Variants in GFRA1 observed in about 807,000 individuals in gnomAD.
GFRA1 encodes the protein GDNF family receptor alpha 1.
A neutral mutation model predicts 51.6 loss-of-function variants in GFRA1; 16 were observed. That is an observed-to-expected ratio of 0.31 (90% CI 0.21 to 0.47). GFRA1 has a LOEUF of 0.47. Among genes scored for constraint, GFRA1 ranks in the 20% least tolerant of loss-of-function variants. The probability of loss-of-function intolerance (pLI) is 1.00; values close to 1 mark genes in which losing one functional copy is unlikely to be tolerated. For synonymous variants in GFRA1, 270 were observed against 241.3 expected (o/e 1.12, Z -1.10); for missense variants, 530 against 594.3 (o/e 0.89, Z 1.13).
At chr10:116,092,280 G>A (rs1185826000) in intron 8 of GFRA1, among the ~76,000 whole-genome samples, 2 of 152,142 alleles carry the variant, frequency 1.3e-5, no homozygotes, top group Non-Finnish European at 2.9e-5. Context: ...TTATTTTTAA[G>A]AGGCCCAAAG....
intron 5 of GFRA1, among the ~76,000 whole-genome samples, chr10:116,158,103 G>A (rs1169464798): frequency 2.0e-5 from 3 of 152,136 alleles, no homozygotes; most frequent in Non-Finnish European, 4.4e-5. Flanking sequence ...AATAGTCCCT[G>A]AACTGTGTTG....
chr10:116,141,276 G>A (rs186207498), intron 5 of GFRA1, among the ~76,000 whole-genome samples: 2 of 152,146 alleles, frequency 1.3e-5, no homozygotes, highest in Non-Finnish European at 2.9e-5. Context: ...TGTGGGTCTC[G>A]GGTATGTTTC....
Position 116,060,603 on chromosome 10 carries a change from C to T in GFRA1, c.*3795G>A, listed in dbSNP as rs1954762357. The T allele has an allele frequency of 6.6e-6, 1 of 152,220 alleles. No individual in the cohort carries two copies. The highest frequency in any genetic ancestry group is 6.5e-5 in the Admixed American group (1 of 15,280). 9.4% of individuals were successfully genotyped at this position (152,220 alleles called of 1,614,324 possible). On this transcript the variant is annotated 3_prime_UTR_variant, in exon 11 of 11. Coordinates refer to ENST00000355422, the MANE Select transcript of GFRA1 (RefSeq NM_005264.8). ...CAGGCCAGTGGTAATTCTCTCCTGC[C>T]TGTTGTCATTGCTTTTAGGTCGTTC...
chr10:116,134,027 T>A (rs1421237440), intron 5 of GFRA1, among the ~76,000 whole-genome samples: 1 of 152,232 alleles, frequency 6.6e-6, no homozygotes, highest in East Asian at 1.9e-4. Context: ...AGCTAACCAG[T>A]TGAAACGATT....
chr10:116,173,450 C>T (rs192541137), intron 5 of GFRA1, among the ~76,000 whole-genome samples: 1 of 152,290 alleles, frequency 6.6e-6, no homozygotes, highest in East Asian at 1.9e-4. Context: ...CAACATGCCC[C>T]CTTCTAATTT....
At chr10:116,078,960 C>T (rs1043840747) in intron 9 of GFRA1, among the ~76,000 whole-genome samples, 3 of 152,130 alleles carry the variant, frequency 2.0e-5, no homozygotes, top group Non-Finnish European at 4.4e-5. Context: ...AAAGCTCCTC[C>T]GTCCTCAAAG....
intron 2 of GFRA1, among the ~76,000 whole-genome samples, chr10:116,271,680 T>C (rs1047063219): frequency 6.6e-6 from 1 of 152,100 alleles, no homozygotes; most frequent in African/African-American, 2.4e-5. Flanking sequence ...CCGCCGCGGC[T>C]CCGCGAGCTC....
intron 5 of GFRA1, among the ~76,000 whole-genome samples, chr10:116,153,463 C>T (rs558332476): frequency 6.6e-6 from 1 of 152,340 alleles, no homozygotes; most frequent in South Asian, 2.1e-4. Context: ...TTGTCAACTA[C>T]ATCCCACTTA....
intron 9 of GFRA1, among the ~76,000 whole-genome samples, chr10:116,082,478 T>C (rs1185387882): frequency 8.2e-6 from 1 of 122,154 alleles, no homozygotes; most frequent in Non-Finnish European, 1.5e-5. Context: ...TTGTTTTTTT[T>C]GTTTTTTTTT....
chr10:116,065,653 T>TCAAA (rs1024694145), intron 9 of GFRA1, 27 bp from the exon 10 acceptor site: 2 of 1,592,572 alleles, frequency 1.3e-6, no homozygotes, highest in African/African-American at 2.7e-5. Context: ...AAAAAAATGC[T>TCAAA]CAAACATAAT....
intron 6 of GFRA1, 122 bp from the exon 7 acceptor site, chr10:116,096,886 CA>C: frequency 1.5e-6 from 1 of 670,956 alleles, no homozygotes; most frequent in Admixed American, 2.1e-5. Flanking sequence ...CACACGCACA[CA>C]CACACACACA....
intron 5 of GFRA1, among the ~76,000 whole-genome samples, chr10:116,127,561 A>C (rs1044195042): frequency 5.9e-5 from 9 of 152,228 alleles, no homozygotes; most frequent in African/African-American, 2.2e-4. Context: ...TGGCAGCTGC[A>C]CATCCATCCC....
intron 4 of GFRA1, 151 bp downstream of exon 4, chr10:116,269,352 G>A (rs1266457371): frequency 2.9e-6 from 2 of 698,984 alleles, no homozygotes; most frequent in African/African-American, 3.5e-5. Flanking sequence ...TAGGCATTAT[G>A]CCTCTTCATT....
intron 4 of GFRA1, among the ~76,000 whole-genome samples, chr10:116,257,866 C>A (rs1423890283): frequency 6.6e-6 from 1 of 152,216 alleles, no homozygotes. Context: ...TCTTCTCACA[C>A]CACTCCTCAT....
At chr10:116,216,962 T>C (rs185819703) in intron 4 of GFRA1, among the ~76,000 whole-genome samples, 17 of 152,302 alleles carry the variant, frequency 1.1e-4, no homozygotes. Flanking sequence ...GCTCTGTACA[T>C]AGACATGAAG....
intron 5 of GFRA1, among the ~76,000 whole-genome samples, chr10:116,210,527 ACTT>A (rs1458828338): frequency 6.6e-6 from 1 of 152,174 alleles, no homozygotes; most frequent in African/African-American, 2.4e-5. Flanking sequence ...GCCAAATGGA[ACTT>A]ATTACTTATA....
intron 5 of GFRA1, among the ~76,000 whole-genome samples, chr10:116,205,925 A>AACAC (rs1565650512): frequency 1.6e-5 from 1 of 64,042 alleles, no homozygotes; most frequent in East Asian, 6.6e-4. Flanking sequence ...TTTTCCTCAT[A>AACAC]TCACACACAC....
At chr10:116,222,285 G>A (rs28635557) in intron 4 of GFRA1, among the ~76,000 whole-genome samples, 5,572 of 152,096 alleles carry the variant, frequency 0.037, 348 homozygotes, top group African/African-American at 0.13. Flanking sequence ...TGCAACCTCC[G>A]TCTTCTAGGT....
At chr10:116,266,466 A>C (rs1969666011) in intron 4 of GFRA1, among the ~76,000 whole-genome samples, 1 of 152,236 alleles carries the variant, frequency 6.6e-6, no homozygotes. Context: ...TCAATGACTT[A>C]AAGCCTCTCA....
Sources: allele counts gnomAD v4.1 joint callset (sites outside exome capture counted in the v4.1 genomes callset), GRCh38; gene constraint gnomAD v4.1.1; transcripts MANE v1.5; gene names NCBI Gene and HGNC (gene_info 2026-07-23, HGNC 2026-07-21).